Variants in DGKB observed in about 807,000 individuals in gnomAD.
The protein encoded by DGKB is diacylglycerol kinase beta.
A neutral mutation model predicts 114.3 loss-of-function variants in DGKB; 67 were observed. The ratio of observed to expected loss-of-function variants is 0.59; its 90% CI spans 0.48 to 0.72. The LOEUF (loss-of-function observed/expected upper bound fraction) is 0.72. Among genes scored for constraint, DGKB ranks in the 30% least tolerant of loss-of-function variants. DGKB has a pLI of 0.00. For synonymous variants in DGKB, 398 were observed against 323.1 expected (o/e 1.23, Z -2.49); for missense variants, 907 against 975.2 (o/e 0.93, Z 0.93).
chr7:14,815,454 T>C (rs1843995534), intron 2 of DGKB, among the ~76,000 whole-genome samples: 1 of 152,194 alleles, frequency 6.6e-6, no homozygotes. Context: ...AACTCACACA[T>C]CCTTGCCATG....
At chr7:14,440,219 A>C (rs975246043) in intron 21 of DGKB, among the ~76,000 whole-genome samples, 2 of 152,130 alleles carry the variant, frequency 1.3e-5, no homozygotes, top group African/African-American at 2.4e-5. Flanking sequence ...AGATTTGCCT[A>C]ATCACAAGAA....
At position 14,915,761 on chromosome 7, in the gene DGKB, A is replaced by AAAAC. The variant is rs1009325589; in HGVS notation, c.-188+58931_-188+58934dup. On this transcript the variant is annotated intron_variant, in intron 1 of 4. Transcript: ENST00000437998. Reference sequence around the variant, plus strand: ...GAAGAAGAAATAAAGACTGTCTCAGAAAACAAACAAACAAACAAACAAAAG... The same window carrying AAAAC: ...GAAGAAGAAATAAAGACTGTCTCAGAAAACAAACAAACAAACAAACAAACAAAAG... Among the ~76,000 whole-genome samples, 14 of 152,208 alleles carry AAAAC rather than the reference A, an allele frequency of 9.2e-5. No individual in the cohort carries two copies. In the South Asian group the frequency reaches 1.0e-3, roughly 11 times the overall value.
chr7:14,845,106 C>CAAAA (rs59367496), intron 1 of DGKB, among the ~76,000 whole-genome samples: 215 of 89,200 alleles, frequency 2.4e-3, no homozygotes, highest in Non-Finnish European at 3.8e-3. Context: ...GGCCCTGTGT[C>CAAAA]AAAAAAAAAA....
At chr7:14,405,435 G>GATA (rs1200273179) in intron 21 of DGKB, among the ~76,000 whole-genome samples, 1 of 152,002 alleles carries the variant, frequency 6.6e-6, no homozygotes, top group African/African-American at 2.4e-5. Flanking sequence ...GTTAAATTTG[G>GATA]ATAATAATAG....
At chr7:14,502,406 A>G (rs981110614) in intron 20 of DGKB, among the ~76,000 whole-genome samples, 1 of 152,104 alleles carries the variant, frequency 6.6e-6, no homozygotes, top group East Asian at 1.9e-4. Flanking sequence ...ACATCCAGCT[A>G]TGCACTTTCC....
In DGKB at chr7:14,577,539, C is replaced by T. The variant is rs1055154342; in HGVS notation, c.1610-3167G>A. On this transcript the variant is annotated intron_variant, in intron 19 of 25. Transcript: ENST00000402815. ...GGCTGAGGCAGGAGAATGGCGTGAA[C>T]CCGGGGGGCGGAGCCTGCAGTGAGC... Among the ~76,000 whole-genome samples, 3 of 152,220 alleles carry T rather than the reference C, an allele frequency of 2.0e-5. No homozygotes were observed. The East Asian group carries it at 5.8e-4, about 29-fold the overall frequency.
intron 21 of DGKB, among the ~76,000 whole-genome samples, chr7:14,411,032 A>G (rs1219472175): frequency 6.6e-6 from 1 of 152,134 alleles, no homozygotes; most frequent in Admixed American, 6.6e-5. Context: ...GTGATATGCA[A>G]TACCCCTGAG....
intron 20 of DGKB, among the ~76,000 whole-genome samples, chr7:14,539,921 T>C (rs1475118554): frequency 6.6e-6 from 1 of 152,108 alleles, no homozygotes. Flanking sequence ...TATAATAATT[T>C]GAAAAATAAT....
intron 23 of DGKB, among the ~76,000 whole-genome samples, chr7:14,307,690 T>G (rs1804710576): frequency 6.6e-6 from 1 of 152,228 alleles, no homozygotes; most frequent in Non-Finnish European, 1.5e-5. Flanking sequence ...TTAGACAATT[T>G]AAAGCAGGTA....
At chr7:14,689,393 T>G (rs902027039) in intron 9 of DGKB, among the ~76,000 whole-genome samples, 1 of 151,762 alleles carries the variant, frequency 6.6e-6, no homozygotes, top group Non-Finnish European at 1.5e-5. Context: ...GCCAGGATGG[T>G]ATCACCTGAC....
In DGKB at chr7:14,560,910, G is replaced by T. The variant is rs11982039; in HGVS notation, c.1770+13302C>A. Among the ~76,000 whole-genome samples the T allele has an allele frequency of 7.5e-4, 114 of 152,166 alleles. 1 individual carries two copies. Among genetic ancestry groups the T allele is most frequent in the African/African-American group, 2.7e-3 (111 of 41,486 alleles). ...TCTAGCAGGTATGAGATGATATCTC[G>T]TTGTGCTTTTGATGTGAATTTCCCT... On this transcript the variant is annotated intron_variant, in intron 20 of 25. Coordinates refer to ENST00000402815, the MANE Select transcript of DGKB (RefSeq NM_001350709.2).
chr7:14,798,653 T>C (rs753148896), intron 2 of DGKB, among the ~76,000 whole-genome samples: 4 of 152,134 alleles, frequency 2.6e-5, no homozygotes, highest in Non-Finnish European at 5.9e-5. Context: ...TGACTCTAAA[T>C]TGACACTAAT....
At chr7:14,601,417 A>T (rs1451408833) in intron 17 of DGKB, among the ~76,000 whole-genome samples, 6 of 152,156 alleles carry the variant, frequency 3.9e-5, no homozygotes, top group Non-Finnish European at 7.3e-5. Context: ...GATGAATAGC[A>T]TTCTAGATTC....
chr7:14,589,952 T>G (rs1448682586), intron 17 of DGKB, among the ~76,000 whole-genome samples: 1 of 151,066 alleles, frequency 6.6e-6, no homozygotes, highest in Non-Finnish European at 1.5e-5. Context: ...GTGGAAGAAT[T>G]TGTATAATTA....
At chr7:14,304,110 T>C (rs1804063515) in intron 23 of DGKB, among the ~76,000 whole-genome samples, 2 of 77,152 alleles carry the variant, frequency 2.6e-5, no homozygotes, top group Admixed American at 1.2e-4. Context: ...CACCCCTACC[T>C]CAAGCAAAGG....
intron 25 of DGKB, among the ~76,000 whole-genome samples, chr7:14,166,985 G>A (rs546961054): frequency 5.9e-5 from 9 of 152,154 alleles, no homozygotes; most frequent in East Asian, 1.9e-4. Context: ...CAAGGCAGGC[G>A]GATTGCCTGA....
intron 6 of DGKB, among the ~76,000 whole-genome samples, chr7:14,714,121 G>A (rs1244818252): frequency 6.6e-6 from 1 of 151,152 alleles, no homozygotes; most frequent in African/African-American, 2.4e-5. Flanking sequence ...TGATGTAGGT[G>A]CAAGGGTACA....
chr7:14,845,106 C>CAAAAAAA (rs59367496), intron 1 of DGKB, among the ~76,000 whole-genome samples: 51 of 89,236 alleles, frequency 5.7e-4, no homozygotes, highest in Non-Finnish European at 8.6e-4. Flanking sequence ...GGCCCTGTGT[C>CAAAAAAA]AAAAAAAAAA....
At chr7:14,310,843 T>C (rs1805269671) in intron 23 of DGKB, among the ~76,000 whole-genome samples, 1 of 152,082 alleles carries the variant, frequency 6.6e-6, no homozygotes, top group African/African-American at 2.4e-5. Context: ...GAATCCAAAC[T>C]CAAATTAGGC....
Sources: allele counts gnomAD v4.1 joint callset (sites outside exome capture counted in the v4.1 genomes callset), GRCh38; gene constraint gnomAD v4.1.1; transcripts MANE v1.5; gene names NCBI Gene and HGNC (gene_info 2026-07-23, HGNC 2026-07-21).